Variants in ZNF66 observed in about 807,000 individuals in gnomAD.
ZNF66 encodes putative zinc finger protein 66.
In ZNF66, 32 loss-of-function variants were observed where a neutral mutation model predicts 35.2. The ratio of observed to expected loss-of-function variants is 0.91; its 90% CI spans 0.69 to 1.22. The LOEUF (loss-of-function observed/expected upper bound fraction) is 1.22. Ranked by LOEUF, ZNF66 falls within the 50% of genes most tolerant of loss-of-function variation. ZNF66 has a pLI of 0.00. For missense variants in ZNF66, 666 were observed against 543.1 expected (o/e 1.23, Z -2.25); for synonymous variants, 231 against 181.3 (o/e 1.27, Z -2.20).
At chr19:20,798,223 A>T (rs1429308013) in intron 3 of ZNF66, among the ~76,000 whole-genome samples, 2 of 150,742 alleles carry the variant, frequency 1.3e-5, no homozygotes, top group East Asian at 1.9e-4. Context: ...AAAATATGTA[A>T]TTTTTTTTTC....
At chr19:20,785,698 T>A (rs1971280694) in intron 1 of ZNF66, among the ~76,000 whole-genome samples, 2 of 152,150 alleles carry the variant, frequency 1.3e-5, no homozygotes, top group Admixed American at 1.3e-4. Context: ...ACCATTTTCT[T>A]TTTCTGGGGC....
In ZNF66 at chr19:20,806,973, G is replaced by A. The variant is rs1260899639; in HGVS notation, c.1373G>A (p.Cys458Tyr). 1.9e-6 allele frequency: 2 copies of A among 1,078,918 alleles called. No individual in the cohort carries two copies. The highest frequency in any genetic ancestry group is 1.5e-5 in the African/African-American group (1 of 65,034). The allele number at this position is 1,078,918 out of a possible 1,614,324, so 66.8% of individuals were successfully genotyped here. ...TGEKPYECED[C>Y]GKAFNRSSNL... ...GAGAAACCCTACGAATGTGAAGACT[G>A]TGGCAAAGCCTTTAACCGCTCCTCT... The change falls in exon 4 of 4, where the codon TGT becomes TAT. Residue 458 changes from cysteine (C) to tyrosine (Y), a missense_variant. By Grantham distance (194) the Cys-to-Tyr change is radical. Transcript: ENST00000344519.
chr19:20,784,323 TTAGA>T (rs1205806152), intron 1 of ZNF66, among the ~76,000 whole-genome samples: 1 of 152,254 alleles, frequency 6.6e-6, no homozygotes, highest in Non-Finnish European at 1.5e-5. Context: ...TTATTCATAC[TTAGA>T]TATTTATATC....
chr19:20,800,958 G>T (rs928198060), intron 3 of ZNF66, among the ~76,000 whole-genome samples: 5 of 151,898 alleles, frequency 3.3e-5, no homozygotes, highest in African/African-American at 1.2e-4. Flanking sequence ...TGTATGCCTT[G>T]CTTCACTTTT....
intron 1 of ZNF66, 82 bp downstream of exon 1, chr19:20,776,532 C>T: frequency 6.9e-7 from 1 of 1,448,978 alleles, no homozygotes; most frequent in Non-Finnish European, 9.7e-7. Flanking sequence ...GCTCCACAAT[C>T]TGCACCCCGA....
chr19:20,791,314 G>C (rs924305322), intron 1 of ZNF66, among the ~76,000 whole-genome samples: 4 of 151,834 alleles, frequency 2.6e-5, no homozygotes, highest in Non-Finnish European at 5.9e-5. Flanking sequence ...GTGGAACCCC[G>C]TCCCTACTAA....
At position 20,809,812 on chromosome 19, in the gene ZNF66, T is replaced by C. The variant is rs982361913; in HGVS notation, c.*2490T>C. On this transcript the variant is annotated 3_prime_UTR_variant, in exon 4 of 4. Coordinates refer to ENST00000344519, the MANE Select transcript of ZNF66 (RefSeq NM_001355197.2). ...ACCAGCTAACATCATAATGACAGCA[T>C]CAAATTCTCACATAACAATATTAGC... Among the ~76,000 whole-genome samples the C allele has an allele frequency of 2.0e-4, 31 of 151,566 alleles. No individual in the cohort carries two copies. The highest frequency in any genetic ancestry group is 1.8e-3 in the Admixed American group (27 of 15,214).
chr19:20,792,670 A>C (rs756146903), intron 2 of ZNF66, 32 bp downstream of exon 2: 24 of 1,132,064 alleles, frequency 2.1e-5, no homozygotes, highest in Non-Finnish European at 2.9e-5. Context: ...AACTCATAAT[A>C]TACACAAATT....
intron 1 of ZNF66, among the ~76,000 whole-genome samples, chr19:20,780,378 G>T (rs889112112): frequency 6.6e-6 from 1 of 151,914 alleles, no homozygotes; most frequent in African/African-American, 2.4e-5. Flanking sequence ...GCTTTTCCTG[G>T]GCTGCGTCTC....
intron 3 of ZNF66, among the ~76,000 whole-genome samples, chr19:20,805,321 G>T (rs1599555902): frequency 6.6e-6 from 1 of 152,104 alleles, no homozygotes; most frequent in Non-Finnish European, 1.5e-5. Flanking sequence ...AGCCTCCTGA[G>T]TAGCTGAGAT....
intron 1 of ZNF66, among the ~76,000 whole-genome samples, chr19:20,780,910 C>T (rs1971239813): frequency 1.3e-5 from 2 of 152,132 alleles, no homozygotes; most frequent in Non-Finnish European, 2.9e-5. Context: ...AACACACACA[C>T]TAGACATTGA....
At position 20,808,164 on chromosome 19, in the gene ZNF66, G is replaced by A. The variant is rs1046926405; in HGVS notation, c.*842G>A. On this transcript the variant is annotated 3_prime_UTR_variant, in exon 4 of 4. Coordinates refer to ENST00000344519, the MANE Select transcript of ZNF66 (RefSeq NM_001355197.2). ...GCAGCAGCGAGGCTGGGGGAGGAGC[G>A]CCTGCCATTGCCCAGGCTTGCTTAG... 9.9e-5 allele frequency among the ~76,000 whole-genome samples: 15 copies of A among 152,196 alleles called. No homozygotes were observed. The highest frequency in any genetic ancestry group is 3.6e-4 in the African/African-American group (15 of 41,454).
At chr19:20,797,569 G>C (rs1426312240) in intron 3 of ZNF66, among the ~76,000 whole-genome samples, 1 of 139,146 alleles carries the variant, frequency 7.2e-6, no homozygotes, top group Non-Finnish European at 1.6e-5. Flanking sequence ...TTCAGTGTAG[G>C]TTTTTTTTTT....
chr19:20,805,009 AC>A lies in ZNF66; in HGVS notation c.227-816del, dbSNP rs537253855. Among the ~76,000 whole-genome samples the A allele has an allele frequency of 9.2e-5, 14 of 152,180 alleles. No individual in the cohort carries two copies. In the Middle Eastern group the frequency reaches 0.014, roughly 148 times the overall value. On this transcript the variant is annotated intron_variant, in intron 3 of 3. Coordinates refer to ENST00000344519, the MANE Select transcript of ZNF66 (RefSeq NM_001355197.2). The stretch of plus-strand genomic sequence containing the variant: ...GCATTTTATGTCATGGGAGACATTT[AC>A]CAGTGTCTAGAAAAGCCCCTAAAAG...
chr19:20,786,419 CAT>C (rs370806006), intron 1 of ZNF66, among the ~76,000 whole-genome samples: 202 of 152,230 alleles, frequency 1.3e-3, no homozygotes, highest in African/African-American at 4.6e-3. Flanking sequence ...ATCAGAGTAA[CAT>C]GTGTGCATTG....
intron 1 of ZNF66, among the ~76,000 whole-genome samples, chr19:20,785,335 A>T (rs1255260750): frequency 6.6e-6 from 1 of 152,222 alleles, no homozygotes; most frequent in African/African-American, 2.4e-5. Context: ...ACTGCTCTAA[A>T]ATGTAAATAG....
intron 3 of ZNF66, among the ~76,000 whole-genome samples, chr19:20,802,500 T>C (rs531142681): frequency 1.4e-4 from 21 of 148,274 alleles, no homozygotes; most frequent in Non-Finnish European, 2.7e-4. Context: ...AATTTATCAA[T>C]TATTTATATT....
chr19:20,785,683 A>G (rs1018557330), intron 1 of ZNF66, among the ~76,000 whole-genome samples: 1 of 152,066 alleles, frequency 6.6e-6, no homozygotes, highest in African/African-American at 2.4e-5. Flanking sequence ...TCTGGGGCTG[A>G]AGAAACCATT....
intron 3 of ZNF66, among the ~76,000 whole-genome samples, chr19:20,797,189 A>ATTTTTTTTTTTTTTTTTTT (rs142052913): frequency 2.2e-5 from 1 of 45,440 alleles, no homozygotes; most frequent in Non-Finnish European, 4.1e-5. Flanking sequence ...TGCATGCTAG[A>ATTTTTTTTTTTTTTTTTTT]TTTTTTTTTT....
Sources: gnomAD v4.1 joint callset for allele counts (sites outside exome capture counted in the v4.1 genomes callset) on GRCh38, gnomAD v4.1.1 for gene constraint, MANE v1.5 for transcripts, NCBI Gene and HGNC (gene_info 2026-07-23, HGNC 2026-07-21) for gene names.